Variants in RHBDD2 observed in about 807,000 individuals in gnomAD.
RHBDD2 encodes rhomboid domain-containing protein 2.
A neutral mutation model predicts 21.7 loss-of-function variants in RHBDD2; 13 were observed. The observed-to-expected ratio is 0.60, with a 90% CI of 0.39 to 0.95. RHBDD2 has a LOEUF of 0.95. Among genes scored for constraint, RHBDD2 ranks in the 40% least tolerant of loss-of-function variants. RHBDD2 has a pLI of 0.00. For missense variants in RHBDD2, 473 were observed against 478.9 expected, an observed-to-expected ratio of 0.99 and a Z score of 0.11; for synonymous variants, 225 against 220.0, an observed-to-expected ratio of 1.02 and a Z score of -0.20.
intron 2 of RHBDD2, 75 bp from the exon 3 acceptor site, chr7:75,883,623 C>A (rs1805460957): frequency 1.5e-6 from 2 of 1,320,358 alleles, no homozygotes; most frequent in Non-Finnish European, 2.1e-6. Context: ...TGAGTGGGAA[C>A]CTGTGTTCTC....
chr7:75,880,644 T>C (rs1805271122), intron 1 of RHBDD2, among the ~76,000 whole-genome samples: 1 of 152,146 alleles, frequency 6.6e-6, no homozygotes, highest in Non-Finnish European at 1.5e-5. Flanking sequence ...CCAAGTCCAA[T>C]ATTACCATCA....
rs541480928 is a variant in RHBDD2 at position 75,886,610 on chromosome 7, C to T, written c.738-1382C>T. ...CGGGTGGATCACGAGATCAGGAGAT[C>T]GAGACCATCCTGGCTAACACGGTGA... On this transcript the variant is annotated intron_variant, in intron 3 of 3. Transcript: ENST00000006777. Among the ~76,000 whole-genome samples the T allele has an allele frequency of 4.7e-3, 721 of 152,074 alleles. 2 individuals carry two copies. The highest frequency in any genetic ancestry group is 8.6e-3 in the Admixed American group (131 of 15,264).
At chr7:75,886,665 T>A (rs541209485) in intron 3 of RHBDD2, among the ~76,000 whole-genome samples, 6 of 151,854 alleles carry the variant, frequency 4.0e-5, no homozygotes, top group Non-Finnish European at 7.4e-5. Context: ...ATACAAAAAA[T>A]TGGCCATGTG....
intron 1 of RHBDD2, chr7:75,881,446 G>T: frequency 4.6e-6 from 6 of 1,297,692 alleles, no homozygotes; most frequent in Non-Finnish European, 6.0e-6. Flanking sequence ...AATCCACCCC[G>T]AAGCTGTTAC....
intron 2 of RHBDD2, 59 bp downstream of exon 2, chr7:75,882,295 AGGGTCTG>A: frequency 6.8e-7 from 1 of 1,467,352 alleles, no homozygotes. Flanking sequence ...ACCAGGCTGG[AGGGTCTG>A]GGGTGTCAAG....
At chr7:75,883,970 C>G (rs1805500920) in intron 3 of RHBDD2, 122 bp downstream of exon 3, 1 of 663,226 alleles carries the variant, frequency 1.5e-6, no homozygotes, top group East Asian at 3.2e-5. Context: ...TCTCGGCTCA[C>G]TGCAACCTCT....
intron 2 of RHBDD2, among the ~76,000 whole-genome samples, chr7:75,882,673 T>C (rs1238641416): frequency 6.6e-6 from 1 of 152,080 alleles, no homozygotes; most frequent in African/African-American, 2.4e-5. Context: ...ATCTGGTAAT[T>C]TTTTATTTTA....
rs1362121555 is a variant in RHBDD2 at position 75,886,993 on chromosome 7, G to A, written c.738-999G>A. Among the ~76,000 whole-genome samples the A allele has an allele frequency of 3.9e-5, 6 of 152,200 alleles. No homozygotes were observed. The South Asian group carries it at 1.0e-3, about 26-fold the overall frequency. On this transcript the variant is annotated intron_variant, in intron 3 of 3. Transcript: ENST00000006777. ...TGGAGTCCAGTCCCTCAGGTCTGGT[G>A]CCTGCTGCAGACACTCAGAATATTG... is the stretch of plus-strand genomic sequence containing the variant.
rs1554542404 is a variant in RHBDD2 at position 75,881,310 on chromosome 7, A to G, written c.179-519A>G. On this transcript the variant is annotated intron_variant, in intron 1 of 3. Coordinates refer to ENST00000006777, the MANE Select transcript of RHBDD2 (RefSeq NM_001040456.3). ...AATCTTTATTGTTAATGATAGTGTTATAATTCTTACAGCTGCAAAATAATT... is the reference window on the plus strand; with the variant it reads ...AATCTTTATTGTTAATGATAGTGTTGTAATTCTTACAGCTGCAAAATAATT... 4 of 1,272,000 alleles carry G rather than the reference A, an allele frequency of 3.1e-6. No individual in the cohort carries two copies. In the African/African-American group the frequency reaches 4.6e-5, roughly 15 times the overall value. 78.8% of individuals were successfully genotyped at this position (1,272,000 alleles called of 1,614,324 possible).
Position 75,888,158 on chromosome 7 carries a change from G to A in RHBDD2, c.904G>A (p.Gly302Ser), listed in dbSNP as rs570581516. 29 of 1,613,768 alleles carry A rather than the reference G, an allele frequency of 1.8e-5. No homozygotes were observed. The highest frequency in any genetic ancestry group is 1.6e-4 in the Middle Eastern group (1 of 6,062). ...PTLPPYQPAS[G>S]LCYVQNHFGP... ...CTTGCCTCCGTACCAGCCTGCCTCC[G>A]GCCTGTGCTATGTGCAGAACCACTT... The change falls in exon 4 of 4, where the codon GGC (glycine) becomes AGC (serine). Residue 302 changes from glycine (G) to serine (S), a missense_variant. Transcript: ENST00000006777.
In RHBDD2 at chr7:75,881,878, G is replaced by A; in HGVS notation, c.228G>A (p.Leu76=). 1 of 1,613,898 alleles carries A rather than the reference G, an allele frequency of 6.2e-7. No individual in the cohort carries two copies. The highest frequency in any genetic ancestry group is 1.1e-5 in the South Asian group (1 of 91,050). ...TTGTCTACGAGAATCCCATCTCCCTGCTCTGCGGCGCTATCATCATCTGGC... is the reference window on the plus strand; with the variant it reads ...TTGTCTACGAGAATCCCATCTCCCTACTCTGCGGCGCTATCATCATCTGGC... The part of the protein sequence containing the change: ...YIFVYENPIS[L]LCGAIIIWRF... The change falls in exon 2 of 4, where the codon CTG becomes CTA. Residue 76 remains leucine (L), a synonymous_variant. Transcript: ENST00000006777.
chr7:75,879,462 A>G (rs1805188649), intron 1 of RHBDD2, among the ~76,000 whole-genome samples: 1 of 152,120 alleles, frequency 6.6e-6, no homozygotes, highest in South Asian at 2.1e-4. Flanking sequence ...CTTTGTCTGC[A>G]GACCCCATCT....
chr7:75,883,296 A>C (rs1176272212), intron 2 of RHBDD2, among the ~76,000 whole-genome samples: 1 of 152,036 alleles, frequency 6.6e-6, no homozygotes, highest in Non-Finnish European at 1.5e-5. Flanking sequence ...TGAGGCAGGC[A>C]GATCACGAGG....
At chr7:75,883,649 GC>G (rs1805463242) in intron 2 of RHBDD2, 48 bp from the exon 3 acceptor site, 1 of 1,570,940 alleles carries the variant, frequency 6.4e-7, no homozygotes. Flanking sequence ...GGAGTGTTCG[GC>G]CCTCCTCCCT....
In RHBDD2 at chr7:75,881,351, C is replaced by A. The variant is rs906619920; in HGVS notation, c.179-478C>A. The A allele has an allele frequency of 3.9e-6, 5 of 1,289,410 alleles. No homozygotes were observed. The East Asian group carries it at 2.2e-4, about 57-fold the overall frequency. 79.9% of individuals were successfully genotyped at this position (1,289,410 alleles called of 1,614,324 possible). ...CAAAATAATTCATGGTCCCTTTTTT[C>A]TTCCTCTGAACAGCCACTATGGAAG... On this transcript the variant is annotated intron_variant, in intron 1 of 3. Transcript: ENST00000006777.
At position 75,883,778 on chromosome 7, in the gene RHBDD2, A is replaced by T. The variant is rs781934404; in HGVS notation, c.667A>T (p.Met223Leu). The T allele has an allele frequency of 3.1e-6, 5 of 1,613,954 alleles. No individual in the cohort carries two copies. The highest frequency in any genetic ancestry group is 1.7e-5 in the Admixed American group (1 of 60,002). Residue 223 changes from methionine to leucine, a missense_variant, in exon 3 of 4, where the codon ATG becomes TTG. Transcript: ENST00000006777. ...CGATCAGACCTTCCCCTTCAGCCTG[A>T]TGAGGAGGATATCCGTGTTCAAGTA... is the stretch of plus-strand genomic sequence containing the variant. ...KLDQTFPFSL[M>L]RRISVFKYVS...
chr7:75,883,242 C>T (rs552164037), intron 2 of RHBDD2, among the ~76,000 whole-genome samples: 2 of 151,928 alleles, frequency 1.3e-5, no homozygotes, highest in South Asian at 4.2e-4. Flanking sequence ...GCTCTGGGGT[C>T]AGGCGCAGTG....
intron 3 of RHBDD2, among the ~76,000 whole-genome samples, chr7:75,885,258 G>A (rs533981442): frequency 9.2e-5 from 14 of 152,226 alleles, no homozygotes; most frequent in Admixed American, 3.9e-4. Context: ...CTGGTAAGCC[G>A]CCAGAGCTTG....
intron 3 of RHBDD2, among the ~76,000 whole-genome samples, chr7:75,886,617 A>C (rs1805688484): frequency 6.6e-6 from 1 of 152,056 alleles, no homozygotes; most frequent in Admixed American, 6.6e-5. Context: ...GATCGAGACC[A>C]TCCTGGCTAA....
Sources: gnomAD v4.1 joint callset for allele counts (sites outside exome capture counted in the v4.1 genomes callset) on GRCh38, gnomAD v4.1.1 for gene constraint, MANE v1.5 for transcripts, NCBI Gene and HGNC (gene_info 2026-07-23, HGNC 2026-07-21) for gene names.